The following XIRP2 variants were observed in gnomAD, a reference collection of about 807,000 sequenced individuals.
The protein encoded by XIRP2 is xin actin-binding repeat-containing protein 2.
In XIRP2, 236 loss-of-function variants were observed where a neutral mutation model predicts 277.0. The observed-to-expected ratio is 0.85, with a 90% CI of 0.77 to 0.95. The LOEUF is 0.95. Among genes scored for constraint, XIRP2 ranks in the 40% least tolerant of loss-of-function variants. The pLI is 0.00. For synonymous variants in XIRP2, 1,490 were observed against 1,416.5 expected, an observed-to-expected ratio of 1.05 and a Z score of -1.17; for missense variants, 4,640 against 4,157.5, an observed-to-expected ratio of 1.12 and a Z score of -3.19.
intron 2 of XIRP2, among the ~76,000 whole-genome samples, chr2:167,079,876 C>T (rs1574232929): frequency 1.3e-5 from 2 of 151,912 alleles, no homozygotes; most frequent in South Asian, 2.1e-4. Context: ...CTTCTGCTAG[C>T]TTTGGGATTA....
At chr2:167,222,560 GTT>G (rs1482893223) in intron 5 of XIRP2, among the ~76,000 whole-genome samples, 2 of 152,084 alleles carry the variant, frequency 1.3e-5, no homozygotes, top group Admixed American at 1.3e-4. Flanking sequence ...TCCTGTTTTT[GTT>G]TTAGGATTGA....
chr2:166,925,092 A>G (rs1685146994), intron 2 of XIRP2, among the ~76,000 whole-genome samples: 1 of 152,078 alleles, frequency 6.6e-6, no homozygotes, highest in Non-Finnish European at 1.5e-5. Flanking sequence ...CAGGCTATGC[A>G]TTCACAAATA....
Position 167,222,450 on chromosome 2 carries a change from A to T in XIRP2, c.858+4150A>T, listed in dbSNP as rs527261036. On this transcript the variant is annotated intron_variant, in intron 5 of 10. Coordinates refer to ENST00000409195, the MANE Select transcript of XIRP2 (RefSeq NM_152381.6). ...GTTAATACTAGCCATTTTTAACATT[A>T]CCCATTTCGATTTTGTTTTTCATAA... Among the ~76,000 whole-genome samples, 325 of 152,272 alleles carry T rather than the reference A, an allele frequency of 2.1e-3. 1 individual carries two copies. Among genetic ancestry groups the T allele is most frequent in the Middle Eastern group, 0.014 (4 of 292 alleles).
At chr2:167,124,017 G>A (rs565031653) in intron 2 of XIRP2, 1 of 152,270 alleles carries the variant, frequency 6.6e-6, no homozygotes, top group African/African-American at 2.4e-5. Flanking sequence ...TGATTTTGTG[G>A]CTGTGCAGTT....
chr2:167,171,082 T>C (rs1692677391), intron 3 of XIRP2, among the ~76,000 whole-genome samples: 1 of 151,938 alleles, frequency 6.6e-6, no homozygotes, highest in Admixed American at 6.6e-5. Flanking sequence ...GTATTTTTAG[T>C]AGAGAAGGAG....
intron 3 of XIRP2, among the ~76,000 whole-genome samples, chr2:167,166,797 A>G (rs1352881441): frequency 6.6e-6 from 1 of 152,162 alleles, no homozygotes; most frequent in Non-Finnish European, 1.5e-5. Flanking sequence ...CGAGGCCTCA[A>G]CACCAACACT....
intron 2 of XIRP2, among the ~76,000 whole-genome samples, chr2:166,923,230 T>A (rs1222768525): frequency 6.6e-6 from 1 of 152,122 alleles, no homozygotes; most frequent in African/African-American, 2.4e-5. Context: ...ACTGTAAAGT[T>A]ACAATGAGTG....
At chr2:166,920,553 T>C (rs1313380871) in intron 2 of XIRP2, among the ~76,000 whole-genome samples, 2 of 152,178 alleles carry the variant, frequency 1.3e-5, no homozygotes, top group East Asian at 3.9e-4. Flanking sequence ...TTGAAACTGA[T>C]ATGCTTCTCA....
Position 167,246,603 on chromosome 2 carries a change from C to G in XIRP2, c.5211C>G (p.Ala1737=). ...NKISERAKID[A]SERGNVQFFT... is the part of the protein sequence containing the mutation. ...TATCTGAAAGGGCTAAAATTGATGC[C>G]TCTGAGAGAGGAAATGTTCAGTTTT... Residue 1737 remains alanine (A), a synonymous_variant, in exon 9 of 11, where the codon GCC becomes GCG. Coordinates refer to ENST00000409195, the MANE Select transcript of XIRP2 (RefSeq NM_152381.6). 1.2e-6 allele frequency: 2 copies of G among 1,613,750 alleles called. No homozygotes were observed. The highest frequency in any genetic ancestry group is 1.7e-6 in the Non-Finnish European group (2 of 1,179,840).
At chr2:167,027,506 C>T (rs1424233238) in intron 2 of XIRP2, among the ~76,000 whole-genome samples, 1 of 152,168 alleles carries the variant, frequency 6.6e-6, no homozygotes, top group Admixed American at 6.6e-5. Context: ...TCTCTCAACT[C>T]ATCAAAGTCA....
intron 1 of XIRP2, among the ~76,000 whole-genome samples, chr2:166,892,063 G>A (rs530278288): frequency 6.6e-6 from 1 of 152,044 alleles, no homozygotes; most frequent in African/African-American, 2.4e-5. Context: ...CTATTTTGAA[G>A]GATGCTAGAA....
chr2:167,186,777 C>T (rs1215153872), intron 3 of XIRP2, among the ~76,000 whole-genome samples: 3 of 151,546 alleles, frequency 2.0e-5, no homozygotes, highest in African/African-American at 7.3e-5. Context: ...TCTATTCTCT[C>T]TAGAATTCCT....
chr2:167,226,605 A>G (rs1461282455), intron 5 of XIRP2, among the ~76,000 whole-genome samples: 1 of 152,120 alleles, frequency 6.6e-6, no homozygotes, highest in East Asian at 1.9e-4. Flanking sequence ...AAGCCCCAAC[A>G]AACCATTCAT....
chr2:167,117,200 G>T (rs538047744), intron 2 of XIRP2, among the ~76,000 whole-genome samples: 137 of 152,140 alleles, frequency 9.0e-4, no homozygotes, highest in African/African-American at 3.1e-3. Context: ...TTGTTTTGTG[G>T]AGTAATTTTG....
chr2:167,024,265 G>T (rs1439140773), intron 2 of XIRP2, among the ~76,000 whole-genome samples: 1 of 151,998 alleles, frequency 6.6e-6, no homozygotes, highest in Non-Finnish European at 1.5e-5. Flanking sequence ...GTCTGTTATT[G>T]GTGTATAAGA....
At chr2:167,140,127 TCTC>T (rs569710734) in intron 3 of XIRP2, among the ~76,000 whole-genome samples, 19 of 152,334 alleles carry the variant, frequency 1.2e-4, no homozygotes, top group African/African-American at 2.9e-4. Flanking sequence ...CTAGGGATGA[TCTC>T]CTCTCTTTAG....
Position 166,903,832 on chromosome 2 carries a change from T to C in XIRP2, c.350T>C (p.Leu117Pro). Residue 117 changes from leucine to proline, a missense_variant, in exon 2 of 11, where the codon CTG (leucine) becomes CCG (proline). Leu to Pro is a moderately conservative substitution (Grantham distance 98, BLOSUM62 -3). Coordinates refer to ENST00000409195, the MANE Select transcript of XIRP2 (RefSeq NM_152381.6). ...CGCTTTTCCATTGCCCTTGATGAGC[T>C]GAGGAGTGTGTTTGAGGCTCCTAAG... ...IERFSIALDE[L>P]RSVFEAPKSG... 1 of 1,613,680 alleles carries C rather than the reference T, an allele frequency of 6.2e-7. No individual in the cohort carries two copies. Among genetic ancestry groups the C allele is most frequent in the Non-Finnish European group, 8.5e-7 (1 of 1,179,738 alleles).
chr2:167,111,435 A>G (rs1190152384), intron 2 of XIRP2, among the ~76,000 whole-genome samples: 3 of 152,020 alleles, frequency 2.0e-5, no homozygotes, highest in East Asian at 1.9e-4. Context: ...AGATAATCCT[A>G]TGGTTTCTGT....
chr2:167,012,258 G>T (rs1687702092), intron 2 of XIRP2, among the ~76,000 whole-genome samples: 1 of 151,896 alleles, frequency 6.6e-6, no homozygotes, highest in South Asian at 2.1e-4. Flanking sequence ...CTGGTATGTT[G>T]TGTCTTTGTT....
Sources: gnomAD v4.1 joint callset for allele counts (sites outside exome capture counted in the v4.1 genomes callset) on GRCh38, gnomAD v4.1.1 for gene constraint, MANE v1.5 for transcripts, NCBI Gene and HGNC (gene_info 2026-07-23, HGNC 2026-07-21) for gene names.